Variants in ANK2 observed in about 807,000 individuals in gnomAD.
ANK2 encodes the protein ankyrin 2.
Under a neutral mutation model 360.5 loss-of-function variants are expected in ANK2, and 83 were observed. The observed-to-expected ratio is 0.23, with a 90% CI of 0.19 to 0.28. The LOEUF (loss-of-function observed/expected upper bound fraction) is 0.28. Ranked by LOEUF, ANK2 falls within the 10% of genes least tolerant of loss-of-function variation. The pLI is 1.00. For synonymous variants in ANK2, 1,740 were observed against 1,759.5 expected (o/e 0.99, Z 0.28); for missense variants, 4,201 against 4,795.7 (o/e 0.88, Z 3.66).
intron 1 of ANK2, among the ~76,000 whole-genome samples, chr4:113,062,072 C>T (rs2073735518): frequency 6.6e-6 from 1 of 151,990 alleles, no homozygotes; most frequent in Admixed American, 6.6e-5. Flanking sequence ...TTTTATTATA[C>T]ACTGTCTTCA....
chr4:112,740,105 T>C, the ANK2 span, among the ~76,000 whole-genome samples: 1 of 152,030 alleles, frequency 6.6e-6, no homozygotes, highest in Non-Finnish European at 1.5e-5. Flanking sequence ...TCTTTCTAAA[T>C]GTGGTTAGCT....
At chr4:112,810,149 ATATATATATATTTTTT>A in the ANK2 span, among the ~76,000 whole-genome samples, 1,088 of 30,018 alleles carry the variant, frequency 0.036, 6 homozygotes, top group African/African-American at 0.16. Context: ...ATATATATAT[ATATATATATATTTTTT>A]TTTTTTTTTT....
At chr4:112,959,708 A>G (rs905351326) in intron 2 of ANK2, among the ~76,000 whole-genome samples, 2 of 152,226 alleles carry the variant, frequency 1.3e-5, no homozygotes, top group Non-Finnish European at 2.9e-5. Context: ...GTTTATAAAT[A>G]GTGGTGCTTC....
intron 1 of ANK2, among the ~76,000 whole-genome samples, chr4:112,823,571 C>CAAA (rs34386421): frequency 0.016 from 2,331 of 143,414 alleles, 67 homozygotes; most frequent in African/African-American, 0.057. Context: ...AGAGGAAATG[C>CAAA]AAAAAAAAAA....
chr4:113,283,523 C>T (rs185328203), intron 18 of ANK2, among the ~76,000 whole-genome samples: 18 of 151,970 alleles, frequency 1.2e-4, no homozygotes, highest in Middle Eastern at 3.4e-3. Flanking sequence ...TATAGACCTC[C>T]GCATTAATTA....
At chr4:112,723,133 G>C in the ANK2 span, among the ~76,000 whole-genome samples, 1 of 152,144 alleles carries the variant, frequency 6.6e-6, no homozygotes, top group Non-Finnish European at 1.5e-5. Flanking sequence ...TACACAGCTG[G>C]AACTAGATTG....
At chr4:113,087,737 T>C (rs663781) in intron 1 of ANK2, among the ~76,000 whole-genome samples, 2,715 of 152,186 alleles carry the variant, frequency 0.018, 74 homozygotes, top group African/African-American at 0.062. Context: ...CTAGTTTCCT[T>C]ACAGATACTG....
the ANK2 span, among the ~76,000 whole-genome samples, chr4:112,811,096 C>T: frequency 2.2e-4 from 33 of 151,760 alleles, no homozygotes; most frequent in Admixed American, 5.9e-4. Context: ...CCACCATGCC[C>T]GCTAATTTTT....
At chr4:112,715,643 C>A in the ANK2 span, among the ~76,000 whole-genome samples, 1 of 152,190 alleles carries the variant, frequency 6.6e-6, no homozygotes, top group African/African-American at 2.4e-5. Context: ...TGTTTACCTT[C>A]CTTTTGATTG....
intron 43 of ANK2, 119 bp from the exon 44 acceptor site, chr4:113,372,971 G>T: frequency 1.1e-6 from 1 of 925,920 alleles, no homozygotes. Flanking sequence ...TTGTATCTCA[G>T]CAATGCTTCT....
At chr4:112,973,114 C>T (rs1214648027) in intron 2 of ANK2, among the ~76,000 whole-genome samples, 1 of 151,018 alleles carries the variant, frequency 6.6e-6, no homozygotes, top group Admixed American at 6.6e-5. Flanking sequence ...TCAGAAATCA[C>T]CACCAAAGAA....
intron 1 of ANK2, among the ~76,000 whole-genome samples, chr4:113,091,443 T>C (rs2088064438): frequency 6.6e-6 from 1 of 152,244 alleles, no homozygotes; most frequent in Non-Finnish European, 1.5e-5. Context: ...GTTAAAAATC[T>C]TGTGAATTCT....
Position 112,868,680 on chromosome 4 carries a change from ACT to A in ANK2, c.-39-35772_-39-35771del, listed in dbSNP as rs1351020686. ...ATTTATTTATTTTACTGTTATTTTA[ACT>A]CTATATTTGTTTCATTTAAAAAATT... On this transcript the variant is annotated intron_variant, in intron 1 of 30. Coordinates refer to the ANK2 transcript ENST00000503271. Among the ~76,000 whole-genome samples, 41 of 152,076 alleles carry A rather than the reference ACT, an allele frequency of 2.7e-4. 1 individual carries two copies. Among genetic ancestry groups the A allele is most frequent in the South Asian group, 6.2e-4 (3 of 4,824 alleles).
intron 2 of ANK2, among the ~76,000 whole-genome samples, chr4:113,187,223 T>C (rs748787630): frequency 6.6e-6 from 1 of 152,154 alleles, no homozygotes; most frequent in Non-Finnish European, 1.5e-5. Flanking sequence ...AAAAGAGAAT[T>C]TGCAATGTGA....
intron 1 of ANK2, chr4:113,117,186 C>A (rs1057451541): frequency 7.4e-6 from 3 of 406,322 alleles, no homozygotes; most frequent in Admixed American, 5.7e-5. Flanking sequence ...CAGCCATTGC[C>A]CTGGTGGGGA....
In ANK2 at chr4:113,355,999, A is replaced by T; in HGVS notation, c.7381A>T (p.Lys2461Ter). Residue 2461 changes from lysine to a stop codon, truncating the protein, a stop_gained, in exon 38 of 46, where the codon AAA (lysine) becomes TAA (stop). Coordinates refer to ENST00000357077, the MANE Select transcript of ANK2 (RefSeq NM_001148.6). LOFTEE classifies it high-confidence loss of function. ...TGATTCTCTGGAGCCAAGTCCTCTG[A>T]AAGAATCCCCTTGCCGTGACTCTCT... ...TPDSLEPSPL[K>*]ESPCRDSLES... The T allele has an allele frequency of 6.2e-7, 1 of 1,614,114 alleles. No homozygotes were observed. The highest frequency in any genetic ancestry group is 8.5e-7 in the Non-Finnish European group (1 of 1,179,976).
At chr4:112,749,966 G>A in the ANK2 span, among the ~76,000 whole-genome samples, 3 of 152,198 alleles carry the variant, frequency 2.0e-5, no homozygotes, top group Admixed American at 1.3e-4. Flanking sequence ...GGCTGGTCTC[G>A]ATCTCCTGAC....
intron 11 of ANK2, among the ~76,000 whole-genome samples, chr4:113,257,463 T>G (rs187830815): frequency 6.6e-6 from 1 of 152,198 alleles, no homozygotes; most frequent in African/African-American, 2.4e-5. Flanking sequence ...ATTTATCTCA[T>G]TGGCATATAT....
intron 1 of ANK2, among the ~76,000 whole-genome samples, chr4:113,163,663 C>T (rs1046798477): frequency 6.7e-6 from 1 of 148,718 alleles, no homozygotes; most frequent in African/African-American, 2.5e-5. Context: ...ACTCCACAGG[C>T]TGAGGCAGGA....
Sources: gnomAD v4.1 joint callset for allele counts (sites outside exome capture counted in the v4.1 genomes callset) on GRCh38, gnomAD v4.1.1 for gene constraint, MANE v1.5 for transcripts, NCBI Gene and HGNC (gene_info 2026-07-23, HGNC 2026-07-21) for gene names.